VPS41: variants seen among roughly 807,000 people sequenced by gnomAD.
The protein encoded by VPS41 is VPS41 subunit of HOPS complex, also known as vacuolar protein sorting-associated protein 41 homolog.
In VPS41, 85 loss-of-function variants were observed where a neutral mutation model predicts 130.9. The ratio of observed to expected loss-of-function variants is 0.65; its 90% confidence interval spans 0.55 to 0.78. VPS41 has a LOEUF of 0.78. Among genes scored for constraint, VPS41 ranks in the 30% least tolerant of loss-of-function variants. The pLI is 0.00. For synonymous variants in VPS41, 335 were observed against 332.9 expected (o/e 1.01, Z -0.07); for missense variants, 874 against 1,018.7 (o/e 0.86, Z 1.93).
intron 11 of VPS41, among the ~76,000 whole-genome samples, chr7:38,775,828 A>G (rs954399886): frequency 7.5e-6 from 1 of 133,376 alleles, no homozygotes; most frequent in Non-Finnish European, 1.5e-5. Context: ...TTGCCATTTA[A>G]AAAAAAAAAA....
intron 4 of VPS41, among the ~76,000 whole-genome samples, chr7:38,834,252 T>C (rs1437718347): frequency 6.6e-6 from 1 of 152,184 alleles, no homozygotes. Context: ...ATTGAATCTT[T>C]TAATCCGCAA....
chr7:38,830,555 A>G (rs1420360373), intron 4 of VPS41, among the ~76,000 whole-genome samples: 1 of 152,188 alleles, frequency 6.6e-6, no homozygotes. Flanking sequence ...TTAGCCTTAA[A>G]ATGGTTTGGC....
intron 2 of VPS41, 69 bp from the exon 3 acceptor site, chr7:38,869,322 T>C: frequency 9.6e-7 from 1 of 1,045,326 alleles, no homozygotes; most frequent in Non-Finnish European, 1.4e-6. Flanking sequence ...CAAAACACAC[T>C]TCTTACGAGA....
intron 7 of VPS41, among the ~76,000 whole-genome samples, chr7:38,810,590 T>A (rs1784924479): frequency 6.6e-6 from 1 of 152,188 alleles, no homozygotes; most frequent in African/African-American, 2.4e-5. Context: ...AACCCATTGT[T>A]TGTAGAAGGT....
chr7:38,774,008 C>CTT, intron 12 of VPS41, 107 bp downstream of exon 12: 1 of 1,158,668 alleles, frequency 8.6e-7, no homozygotes, highest in South Asian at 1.7e-5. Flanking sequence ...CAGGTATTCT[C>CTT]TTAAGATTCT....
At chr7:38,895,036 C>T (rs1464082661) in intron 2 of VPS41, among the ~76,000 whole-genome samples, 1 of 152,200 alleles carries the variant, frequency 6.6e-6, no homozygotes, top group Non-Finnish European at 1.5e-5. Context: ...AGGTACTTTA[C>T]TGTGGCCAGG....
intron 10 of VPS41, among the ~76,000 whole-genome samples, chr7:38,779,078 C>T (rs1322005036): frequency 6.6e-6 from 1 of 152,206 alleles, no homozygotes; most frequent in Non-Finnish European, 1.5e-5. Context: ...TGCAGGTGCA[C>T]ATATCTATTT....
chr7:38,799,103 T>C (rs999441575), intron 7 of VPS41, among the ~76,000 whole-genome samples: 2 of 151,826 alleles, frequency 1.3e-5, no homozygotes, highest in Non-Finnish European at 2.9e-5. Flanking sequence ...CTGTCCCAGG[T>C]AGGAAGGAAA....
At chr7:38,748,722 T>A (rs1038111038) in intron 22 of VPS41, among the ~76,000 whole-genome samples, 3 of 151,964 alleles carry the variant, frequency 2.0e-5, no homozygotes, top group Admixed American at 6.6e-5. Context: ...AAATAATCTT[T>A]CATGATTCTT....
At position 38,869,804 on chromosome 7, in the gene VPS41, G is replaced by A. The variant is rs566921074; in HGVS notation, c.61-551C>T. Among the ~76,000 whole-genome samples the A allele has an allele frequency of 1.2e-4, 18 of 152,108 alleles. No individual in the cohort carries two copies. In the South Asian group the frequency reaches 2.1e-3, roughly 18 times the overall value. Reference sequence around the variant, plus strand: ...AGAGGGTGAAGACTATGGAATTACCGTGGTTTGTAGAGTCAAAAAACCATT... The same window carrying A: ...AGAGGGTGAAGACTATGGAATTACCATGGTTTGTAGAGTCAAAAAACCATT... On this transcript the variant is annotated intron_variant, in intron 2 of 28. Transcript: ENST00000310301.
intron 4 of VPS41, among the ~76,000 whole-genome samples, chr7:38,860,590 G>A (rs915077857): frequency 6.6e-6 from 1 of 152,008 alleles, no homozygotes; most frequent in Non-Finnish European, 1.5e-5. Context: ...TCTATCAATA[G>A]GCTGTTCTTT....
At chr7:38,856,690 C>T (rs1479362455) in intron 4 of VPS41, among the ~76,000 whole-genome samples, 2 of 152,088 alleles carry the variant, frequency 1.3e-5, no homozygotes, top group Non-Finnish European at 2.9e-5. Flanking sequence ...GAATGTGAGG[C>T]TGGTACTGAC....
At chr7:38,811,840 T>C (rs1374219966) in intron 7 of VPS41, among the ~76,000 whole-genome samples, 1 of 152,026 alleles carries the variant, frequency 6.6e-6, no homozygotes, top group African/African-American at 2.4e-5. Context: ...TTATGATTAT[T>C]TGACTTAATG....
At chr7:38,794,257 C>T (rs1784581460) in intron 9 of VPS41, among the ~76,000 whole-genome samples, 1 of 152,100 alleles carries the variant, frequency 6.6e-6, no homozygotes, top group African/African-American at 2.4e-5. Flanking sequence ...TCCCTTTTTC[C>T]ATCCTACGAT....
Position 38,726,957 on chromosome 7 carries a change from G to A in VPS41, c.2436C>T (p.Phe812=). The change falls in exon 28 of 29, where the codon TTC becomes TTT. Residue 812 remains phenylalanine (F), a synonymous_variant. Coordinates refer to ENST00000310301, the MANE Select transcript of VPS41 (RefSeq NM_014396.4). ...DAAKPFSVVV[F]HCRHMFHKEC... ...CCTTGTGGAACATGTGCCGGCAATG[G>A]AAGACCACCACGCTGAAGGGCTTAG... The A allele has an allele frequency of 3.8e-6, 6 of 1,592,836 alleles. No homozygotes were observed. The East Asian group carries it at 1.2e-4, about 31-fold the overall frequency.
chr7:38,898,027 A>C, intron 2 of VPS41, 64 bp downstream of exon 2: 2 of 1,456,926 alleles, frequency 1.4e-6, no homozygotes, highest in Non-Finnish European at 1.9e-6. Flanking sequence ...TTAGCAAAGA[A>C]GCGCAACTCA....
chr7:38,771,900 A>T (rs1784160226), intron 13 of VPS41, among the ~76,000 whole-genome samples: 1 of 152,138 alleles, frequency 6.6e-6, no homozygotes, highest in Non-Finnish European at 1.5e-5. Flanking sequence ...TGAAAAAAAA[A>T]ATTTTTTTCC....
chr7:38,769,005 C>A (rs1219631827), intron 14 of VPS41, among the ~76,000 whole-genome samples: 1 of 152,146 alleles, frequency 6.6e-6, no homozygotes, highest in Non-Finnish European at 1.5e-5. Context: ...CAGAACCGTA[C>A]TTTATAATCT....
intron 2 of VPS41, among the ~76,000 whole-genome samples, chr7:38,870,896 G>A (rs1345492172): frequency 1.3e-5 from 2 of 149,970 alleles, no homozygotes; most frequent in East Asian, 1.9e-4. Flanking sequence ...TCAATAGATG[G>A]TTTAATATAA....
Sources: gnomAD v4.1 joint callset for allele counts (sites outside exome capture counted in the v4.1 genomes callset) on GRCh38, gnomAD v4.1.1 for gene constraint, MANE v1.5 for transcripts, NCBI Gene and HGNC (gene_info 2026-07-23, HGNC 2026-07-21) for gene names.